Variants in TTN observed in about 807,000 individuals in gnomAD.
TTN encodes titin, also known as connectin.
In TTN, 1,525 loss-of-function variants were observed where a neutral mutation model predicts 3,223.0. That is an observed-to-expected ratio of 0.47 (90% CI 0.45 to 0.49). TTN has a LOEUF of 0.49. Ranked by LOEUF, TTN falls within the 20% of genes least tolerant of loss-of-function variation. TTN has a pLI of 0.00. For missense variants in TTN, 40,786 were observed against 43,424.0 expected (o/e 0.94, Z 5.40); for synonymous variants, 14,094 against 15,161.0 (o/e 0.93, Z 5.17).
rs878926959 is a variant in TTN at position 178,537,858 on chromosome 2, C to G, written c.99349G>C (p.Ala33117Pro). ...ACAATCTGGCATGAGAGTTGAGCAGCTTCACCCAATTTTGTGGTAACATCC... is the reference window on the plus strand; with the variant it reads ...ACAATCTGGCATGAGAGTTGAGCAGGTTCACCCAATTTTGTGGTAACATCC... ...MKDVTTKLGE[A>P]AQLSCQIVGR... The change falls in exon 355 of 363, where the codon GCT (alanine) becomes CCT (proline). Residue 33117 changes from alanine to proline, a missense_variant. Coordinates refer to ENST00000589042, the MANE Select transcript of TTN (RefSeq NM_001267550.2). 6.2e-7 allele frequency: 1 copy of G among 1,613,374 alleles called. No individual in the cohort carries two copies. Among genetic ancestry groups the G allele is most frequent in the Admixed American group, 1.7e-5 (1 of 59,962 alleles).
chr2:178,563,244 G>T lies in TTN; in HGVS notation c.82888C>A (p.Gln27630Lys). The T allele has an allele frequency of 6.2e-7, 1 of 1,613,704 alleles. No homozygotes were observed. The highest frequency in any genetic ancestry group is 8.5e-7 in the Non-Finnish European group (1 of 1,179,706). Residue 27630 changes from glutamine to lysine, a missense_variant, in exon 326 of 363, where the codon CAG becomes AAG. Gln to Lys is a moderately conservative substitution (Grantham distance 53, BLOSUM62 1). Transcript: ENST00000589042. The surrounding 1 kb of genome is among the most constrained non-coding windows in gnomAD (Gnocchi z 4.5). ...CTPPTGLQGKQFTVTKLKENT... is the reference protein window; with the variant it reads ...CTPPTGLQGKKFTVTKLKENT... ...TCTTTAAGCTTGGTCACTGTGAACT[G>T]CTTTCCTTGTAATCCTGTTGGTGGA...
chr2:178,718,898 ATGACAC>A lies in TTN; in HGVS notation c.24296_24301del (p.Ser8099_Val8100del). The A allele has an allele frequency of 6.2e-7, 1 of 1,613,474 alleles. No individual in the cohort carries two copies. The highest frequency in any genetic ancestry group is 8.5e-7 in the Non-Finnish European group (1 of 1,179,650). ...GACCTTGAAAGGAGGGGTGCCTCTG[ATGACAC>A]TGGTGAATGTGAGGCTCATTCCAGG... is the stretch of plus-strand genomic sequence containing the variant. On this transcript the variant is annotated inframe_deletion, in exon 84 of 363. Transcript: ENST00000589042.
At position 178,562,225 on chromosome 2, in the gene TTN, G is replaced by C. The variant is rs1326312307; in HGVS notation, c.83907C>G (p.Phe27969Leu). ...CTCTAGCCTTTACATTGAAAGTATGGAAAGGAAGCTCAACTGAAGGCTTTA... is the reference window on the plus strand; with the variant it reads ...CTCTAGCCTTTACATTGAAAGTATGCAAAGGAAGCTCAACTGAAGGCTTTA... ...IEIKPSVELP[F>L]HTFNVKAREQ... The change falls in exon 326 of 363, where the codon TTC becomes TTG. Residue 27969 changes from phenylalanine to leucine, a missense_variant. Physicochemically the swap from Phe to Leu is conservative, Grantham distance 22. Coordinates refer to ENST00000589042, the MANE Select transcript of TTN (RefSeq NM_001267550.2). The C allele has an allele frequency of 1.9e-6, 3 of 1,612,586 alleles. No individual in the cohort carries two copies. The highest frequency in any genetic ancestry group is 1.1e-5 in the South Asian group (1 of 90,870).
In TTN at chr2:178,764,241, C is replaced by G. The variant is rs759936737; in HGVS notation, c.10050G>C (p.Pro3350=). 6.2e-7 allele frequency: 1 copy of G among 1,614,000 alleles called. No homozygotes were observed. The highest frequency in any genetic ancestry group is 1.7e-5 in the Admixed American group (1 of 60,008). The change falls in exon 43 of 363, where the codon CCG becomes CCC. Residue 3350 remains proline, a synonymous_variant. Transcript: ENST00000589042. ...MPVYPPAIIT[P]LQDTVTSEGQ... ...CTTCAGAAGTGACAGTGTCCTGAAG[C>G]GGGGTGATGATGGCAGGTGGATAAA...
At chr2:178,652,809 G>A in intron 200 of TTN, 39 bp downstream of exon 200, 1 of 1,607,184 alleles carries the variant, frequency 6.2e-7, no homozygotes, top group South Asian at 1.1e-5. Context: ...AAGAATAGAG[G>A]AGTTTGATCT....
rs2049710031 is a variant in TTN, at chr2:178,589,199, A to C, written c.62526T>G (p.Tyr20842Ter). Residue 20842 changes from tyrosine to a stop codon, truncating the protein, a stop_gained, in exon 304 of 363, where the codon TAT becomes TAG. Transcript: ENST00000589042. LOFTEE classifies it high-confidence loss of function. ...CAGCCGTGTTAGTTGCCGTAACTACATATTTACCCCCATCACTTCGCTTTG... is the reference window on the plus strand; with the variant it reads ...CAGCCGTGTTAGTTGCCGTAACTACCTATTTACCCCCATCACTTCGCTTTG... ...TKAKRSDGGK[Y>*]VVTATNTAGS... 6.2e-7 allele frequency: 1 copy of C among 1,613,526 alleles called. No homozygotes were observed. Among genetic ancestry groups the C allele is most frequent in the Non-Finnish European group, 8.5e-7 (1 of 1,179,626 alleles).
chr2:178,572,355 C>T lies in TTN; in HGVS notation c.73777G>A (p.Val24593Ile). The stretch of plus-strand genomic sequence containing the variant: ...ATGCCATATTCATTTTCTGCGAGAA[C>T]CCTGAAATAGTAGCTACAGCCTTCT... ...LQEGCSYYFR[V>I]LAENEYGIGL... The change falls in exon 326 of 363, where the codon GTT becomes ATT. Residue 24593 changes from valine (V) to isoleucine (I), a missense_variant. Coordinates refer to ENST00000589042, the MANE Select transcript of TTN (RefSeq NM_001267550.2). The T allele has an allele frequency of 6.2e-7, 1 of 1,612,524 alleles. No homozygotes were observed. The highest frequency in any genetic ancestry group is 1.1e-5 in the South Asian group (1 of 91,060).
Position 178,723,031 on chromosome 2 carries a change from A to G in TTN, c.21961+15T>C. 4 of 1,610,956 alleles carry G rather than the reference A, an allele frequency of 2.5e-6. No homozygotes were observed. Among genetic ancestry groups the G allele is most frequent in the African/African-American group, 2.7e-5 (2 of 74,796 alleles). Reference sequence around the variant, plus strand: ...GAAGAATGCAAATGATTTAAGAGACAATAAGACAACACACCTAATGTAGAT... The same window carrying G: ...GAAGAATGCAAATGATTTAAGAGACGATAAGACAACACACCTAATGTAGAT... On this transcript the variant is annotated intron_variant, in intron 75 of 362. Transcript: ENST00000589042.
chr2:178,550,090 C>T lies in TTN; in HGVS notation c.91748G>A (p.Ser30583Asn), dbSNP rs1698731118. 6.2e-7 allele frequency: 1 copy of T among 1,613,658 alleles called. No individual in the cohort carries two copies. Among genetic ancestry groups the T allele is most frequent in the African/African-American group, 1.3e-5 (1 of 74,886 alleles). Residue 30583 changes from serine (S) to asparagine (N), a missense_variant, in exon 337 of 363, where the codon AGC becomes AAC. Ser to Asn is a conservative substitution (Grantham distance 46). Transcript: ENST00000589042. ...MEITDVLGST[S>N]LFVRDATRDH... ...CCGAGTAGCATCTCTAACAAATAGG[C>T]TGGTGGATCCAAGTACGTCGGTTAT... is the stretch of plus-strand genomic sequence containing the variant.
Position 178,664,688 on chromosome 2 carries a change from A to T in TTN, c.36168T>A (p.Val12056=). ...EIVPEKKTLV[V]PLRKPEVLPD... ...GAAGGACTTCAGGCTTTCTGAGAGG[A>T]ACCACAAGCGTTTTCTTTTCAGGGA... The change falls in exon 167 of 363, where the codon GTT becomes GTA. Residue 12056 remains valine (V), a synonymous_variant. Coordinates refer to ENST00000589042, the MANE Select transcript of TTN (RefSeq NM_001267550.2). 6.2e-7 allele frequency: 1 copy of T among 1,612,586 alleles called. No individual in the cohort carries two copies.
intron 50 of TTN, 37 bp downstream of exon 50, chr2:178,735,474 G>T: frequency 1.3e-6 from 2 of 1,503,160 alleles, no homozygotes; most frequent in Non-Finnish European, 1.8e-6. Flanking sequence ...ATTCCTTGCA[G>T]AGAAGGGACT....
rs3813249 is a variant in TTN, at chr2:178,531,403, G to C, written c.105212C>G (p.Ser35071Cys). 296 of 1,614,026 alleles carry C rather than the reference G, an allele frequency of 1.8e-4. 1 individual carries two copies. In the East Asian group the frequency reaches 6.4e-3, roughly 35 times the overall value. ...GACAGAAGACGAAGCTTCCATCTCA[G>C]ATGTTTTCTTAAATGATGAAACAGC... The part of the protein sequence containing the change: ...AYAVSSFKKT[S>C]EMEASSSVRE... Residue 35071 changes from serine to cysteine, a missense_variant, in exon 358 of 363, where the codon TCT becomes TGT. Transcript: ENST00000589042.
Position 178,546,611 on chromosome 2 carries a change from C to CG in TTN, c.94816dup (p.Arg31606ProfsTer3). ...TGACTATTTCCTACCGTATTCATCT[C>CG]GGCAAGTGACAGGGCCTGTAGATTC... On this transcript the variant is annotated frameshift_variant, in exon 341 of 363. Transcript: ENST00000589042. LOFTEE classifies it high-confidence loss of function. 1 of 1,608,600 alleles carries CG rather than the reference C, an allele frequency of 6.2e-7. No individual in the cohort carries two copies. The highest frequency in any genetic ancestry group is 8.5e-7 in the Non-Finnish European group (1 of 1,175,656).
chr2:178,576,823 C>A lies in TTN; in HGVS notation c.69421G>T (p.Gly23141Cys). 2 of 1,607,064 alleles carry A rather than the reference C, an allele frequency of 1.2e-6. No homozygotes were observed. Among genetic ancestry groups the A allele is most frequent in the Non-Finnish European group, 1.7e-6 (2 of 1,178,120 alleles). Residue 23141 changes from glycine (G) to cysteine (C), a missense_variant, in exon 325 of 363, where the codon GGC becomes TGC. Transcript: ENST00000589042. This position sits in a 1 kb window ranked among gnomAD's most constrained non-coding sequence, Gnocchi z 4.3. The stretch of plus-strand genomic sequence containing the variant: ...GATACCTCTGGTTTTTCAGGAGGGC[C>A]AGGGGGACCTGAAAAGGAAGCAAAT... Reference protein sequence around the residue: ...VKMVDRFGPPGPPEKPEVSNV... With the variant: ...VKMVDRFGPPCPPEKPEVSNV...
intron 38 of TTN, among the ~76,000 whole-genome samples, chr2:178,768,399 A>T (rs2090904523): frequency 6.6e-6 from 1 of 152,180 alleles, no homozygotes; most frequent in African/African-American, 2.4e-5. Context: ...CCACCAATCT[A>T]CATCTCTATA....
chr2:178,732,909 C>T lies in TTN; in HGVS notation c.16267G>A (p.Asp5423Asn), dbSNP rs915060068. ...SLEIIRVDMN[D>N]AGNFTCRATN... Reference sequence around the variant, plus strand: ...GCTCGACAAGTGAAATTCCCTGCATCATTCATGTCTACTCTGATGATCTCC... The same window carrying T: ...GCTCGACAAGTGAAATTCCCTGCATTATTCATGTCTACTCTGATGATCTCC... The change falls in exon 55 of 363, where the codon GAT becomes AAT. Residue 5423 changes from aspartate to asparagine, a missense_variant. Asp to Asn is a conservative substitution (Grantham distance 23, BLOSUM62 1). Coordinates refer to ENST00000589042, the MANE Select transcript of TTN (RefSeq NM_001267550.2). 5 of 1,613,526 alleles carry T rather than the reference C, an allele frequency of 3.1e-6. 1 individual carries two copies. In the South Asian group the frequency reaches 5.5e-5, roughly 18 times the overall value.
In TTN at chr2:178,579,695, A is replaced by G. The variant is rs2047253613; in HGVS notation, c.67502T>C (p.Met22501Thr). The G allele has an allele frequency of 2.5e-6, 4 of 1,613,316 alleles. No individual in the cohort carries two copies. Among genetic ancestry groups the G allele is most frequent in the African/African-American group, 1.3e-5 (1 of 74,998 alleles). ...AGAGTACTGTAGGCTTAAGGATTTC[A>G]TAACTCGTTGCCACTTATTTTCTTC... ...LTEENKWQRVMKSLSLQYSAK... is the reference protein window; with the variant it reads ...LTEENKWQRVTKSLSLQYSAK... Residue 22501 changes from methionine (M) to threonine (T), a missense_variant, in exon 319 of 363, where the codon ATG becomes ACG. Met to Thr is a moderately conservative substitution (Grantham distance 81). Transcript: ENST00000589042.
At chr2:178,699,550 T>C (rs1407019964) in intron 111 of TTN, among the ~76,000 whole-genome samples, 3 of 145,072 alleles carry the variant, frequency 2.1e-5, no homozygotes, top group Non-Finnish European at 4.5e-5. Flanking sequence ...TAGCTGGGAC[T>C]ACAGGCGCCC....
chr2:178,576,644 T>A lies in TTN; in HGVS notation c.69600A>T (p.Lys23200Asn). ...TGCTTCCTTCTTGCAGTCCTGTTAC[T>A]TTGCACCTGAGATCGGAAACTGGTG... Reference protein sequence around the residue: ...IKTPVSDLRCKVTGLQEGSTY... With the variant: ...IKTPVSDLRCNVTGLQEGSTY... The change falls in exon 325 of 363, where the codon AAA becomes AAT. Residue 23200 changes from lysine (K) to asparagine (N), a missense_variant. Transcript: ENST00000589042. The surrounding 1 kb of genome is among the most constrained non-coding windows in gnomAD (Gnocchi z 4.3). 6.2e-7 allele frequency: 1 copy of A among 1,613,592 alleles called. No individual in the cohort carries two copies. The highest frequency in any genetic ancestry group is 1.1e-5 in the South Asian group (1 of 91,056).
Sources: allele counts gnomAD v4.1 joint callset (sites outside exome capture counted in the v4.1 genomes callset), GRCh38; gene constraint gnomAD v4.1.1; non-coding constraint Gnocchi (gnomAD v3.1); transcripts MANE v1.5; gene names NCBI Gene and HGNC (gene_info 2026-07-23, HGNC 2026-07-21).